BNIP2: variants seen among roughly 807,000 people sequenced by gnomAD.
The protein encoded by BNIP2 is BCL2/adenovirus E1B 19 kDa protein-interacting protein 2.
A neutral mutation model predicts 43.4 loss-of-function variants in BNIP2; 36 were observed. The observed-to-expected ratio is 0.83, with a 90% CI of 0.64 to 1.10. The LOEUF is 1.10. Ranked by LOEUF, BNIP2 falls within the 50% of genes least tolerant of loss-of-function variation. The pLI is 0.00. For synonymous variants in BNIP2, 146 were observed against 121.0 expected (o/e 1.21, Z -1.35); for missense variants, 417 against 374.1 (o/e 1.11, Z -0.95).
chr15:59,673,242 A>T (rs12907554), intron 5 of BNIP2, among the ~76,000 whole-genome samples: 49,754 of 150,886 alleles, frequency 0.33, 8,490 homozygotes, highest in East Asian at 0.54. Flanking sequence ...CCTCCCGAGT[A>T]GCTGGGATTA....
intron 5 of BNIP2, chr15:59,677,051 G>C: frequency 6.2e-7 from 1 of 1,611,652 alleles, no homozygotes; most frequent in Non-Finnish European, 8.5e-7. Context: ...TTGGCATTCA[G>C]ATGACTTCAT....
chr15:59,671,384 T>C, intron 6 of BNIP2, 70 bp from the exon 7 acceptor site: 3 of 1,362,572 alleles, frequency 2.2e-6, no homozygotes, highest in South Asian at 2.8e-5. Flanking sequence ...CTCTAAATTG[T>C]ACCATTATAC....
chr15:59,671,363 T>C (rs1279655143), intron 6 of BNIP2, 49 bp from the exon 7 acceptor site: 10 of 1,486,776 alleles, frequency 6.7e-6, no homozygotes, highest in Non-Finnish European at 9.1e-6. Flanking sequence ...TGTGCATAAC[T>C]GAACTAGGTT....
At chr15:59,677,361 G>C in intron 5 of BNIP2, 4 of 1,547,162 alleles carry the variant, frequency 2.6e-6, no homozygotes, top group Non-Finnish European at 3.5e-6. Flanking sequence ...TTCCATGGGA[G>C]ATGACTCTTA....
Position 59,689,225 on chromosome 15 carries a change from C to T in BNIP2, c.-148G>A, listed in dbSNP as rs1229230484. The T allele has an allele frequency of 1.9e-6, 3 of 1,541,098 alleles. No homozygotes were observed. The highest frequency in any genetic ancestry group is 2.6e-6 in the Non-Finnish European group (3 of 1,146,316). ...CCAGGTCGCAAAAAGCAGGGCCGAG[C>T]GGAGCCCGCTCCCCTCGGTCGGCGG... On this transcript the variant is annotated 5_prime_UTR_variant, in exon 1 of 10. Transcript: ENST00000607373.
rs1892755984 is a variant in BNIP2 at position 59,669,310 on chromosome 15, T to C, written c.760A>G (p.Arg254Gly). The C allele has an allele frequency of 3.2e-6, 5 of 1,556,428 alleles. No individual in the cohort carries two copies. The highest frequency in any genetic ancestry group is 1.4e-5 in the African/African-American group (1 of 71,898). The change falls in exon 8 of 10, where the codon AGA (arginine) becomes GGA (glycine). Residue 254 changes from arginine to glycine, a missense_variant. By Grantham distance (125) the Arg-to-Gly change is moderately radical. Transcript: ENST00000607373. Reference sequence around the variant, plus strand: ...GGTCTTGTAACAGCCAGAAGTGTTCTGATAAACCAAGAAGGATGTACAATG... The same window carrying C: ...GGTCTTGTAACAGCCAGAAGTGTTCCGATAAACCAAGAAGGATGTACAATG... ...LIIVHPSWFIRTLLAVTRPFI... is the reference protein window; with the variant it reads ...LIIVHPSWFIGTLLAVTRPFI...
At chr15:59,673,458 C>T (rs1186747002) in intron 5 of BNIP2, among the ~76,000 whole-genome samples, 1 of 151,766 alleles carries the variant, frequency 6.6e-6, no homozygotes, top group Non-Finnish European at 1.5e-5. Context: ...TAGCATCTTG[C>T]TCCATTGCCC....
At chr15:59,687,645 C>G (rs1894107449) in intron 1 of BNIP2, among the ~76,000 whole-genome samples, 1 of 152,092 alleles carries the variant, frequency 6.6e-6, no homozygotes, top group African/African-American at 2.4e-5. Flanking sequence ...AGTAACAAGA[C>G]ATCTTTCAAT....
Position 59,677,632 on chromosome 15 carries a change from C to T in BNIP2, c.472+279G>A, listed in dbSNP as rs113905410. 1.1e-3 allele frequency among the ~76,000 whole-genome samples: 168 copies of T among 152,274 alleles called. 2 individuals are homozygous for T. The highest frequency in any genetic ancestry group is 3.8e-3 in the African/African-American group (157 of 41,550). On this transcript the variant is annotated intron_variant, in intron 5 of 9. Coordinates refer to ENST00000607373, the MANE Select transcript of BNIP2 (RefSeq NM_004330.4). ...AAATTGCTAAGCATGTTCAGGTTTA[C>T]TTTGTTGATGTTTGTGAAGCAAAAC...
At chr15:59,670,642 G>C (rs1460405529) in intron 7 of BNIP2, among the ~76,000 whole-genome samples, 3 of 152,158 alleles carry the variant, frequency 2.0e-5, no homozygotes, top group Non-Finnish European at 4.4e-5. Flanking sequence ...TACTTTGTAA[G>C]TTTGAAGAAT....
At chr15:59,674,874 C>T (rs1394650403) in intron 5 of BNIP2, among the ~76,000 whole-genome samples, 3 of 152,168 alleles carry the variant, frequency 2.0e-5, no homozygotes, top group African/African-American at 4.8e-5. Context: ...AGGGCAGGGA[C>T]TTAAGCCTTG....
chr15:59,665,263 T>TA (rs71122805), intron 9 of BNIP2: 47,613 of 149,874 alleles, frequency 0.32, 8,463 homozygotes, highest in East Asian at 0.59. Context: ...GACTCCGTCT[T>TA]AAAAAAATAA....
In BNIP2 at chr15:59,659,968, T is replaced by A. The variant is rs1892166259; in HGVS notation, c.*4101A>T. ...TATCCTTTAGAACTTCAAAGGAAAGTTACATAACTGGGTCTCACCATTGAT... is the reference window on the plus strand; with the variant it reads ...TATCCTTTAGAACTTCAAAGGAAAGATACATAACTGGGTCTCACCATTGAT... On this transcript the variant is annotated 3_prime_UTR_variant, in exon 10 of 10. Transcript: ENST00000607373. 6.6e-6 allele frequency: 1 copy of A among 152,214 alleles called. No homozygotes were observed. Among genetic ancestry groups the A allele is most frequent in the Admixed American group, 6.5e-5 (1 of 15,276 alleles). 9.4% of individuals were successfully genotyped at this position (152,214 alleles called of 1,614,324 possible). A position where few individuals can be genotyped will look rare whatever the true frequency, so the allele number is the denominator to read the frequency against.
chr15:59,677,933 A>G lies in BNIP2; in HGVS notation c.450T>C (p.Tyr150=). 1 of 1,609,330 alleles carries G rather than the reference A, an allele frequency of 6.2e-7. No homozygotes were observed. The highest frequency in any genetic ancestry group is 8.5e-7 in the Non-Finnish European group (1 of 1,178,588). The change falls in exon 5 of 10, where the codon TAT becomes TAC. Residue 150 remains tyrosine, a synonymous_variant. Transcript: ENST00000607373. ...HRVDMKAIEP[Y]KKVISHGGYY... ...TACCCCCATGGCTGATAACTTTTTTATAGGGTTCAATTGCCTTCATATCAA... is the reference window on the plus strand; with the variant it reads ...TACCCCCATGGCTGATAACTTTTTTGTAGGGTTCAATTGCCTTCATATCAA...
intron 7 of BNIP2, 30 bp from the exon 8 acceptor site, chr15:59,669,392 C>A (rs200051385): frequency 3.8e-6 from 5 of 1,328,014 alleles, no homozygotes; most frequent in South Asian, 3.0e-5. Context: ...CACACACACA[C>A]AAAGAAAATT....
intron 5 of BNIP2, chr15:59,677,133 G>C (rs1893353737): frequency 6.2e-7 from 1 of 1,600,256 alleles, no homozygotes; most frequent in Admixed American, 1.7e-5. Flanking sequence ...CATCAATGAG[G>C]CTATTTACAT....
chr15:59,673,545 G>A (rs1192252398), intron 5 of BNIP2, among the ~76,000 whole-genome samples: 3 of 152,108 alleles, frequency 2.0e-5, no homozygotes, highest in South Asian at 4.1e-4. Context: ...CCACCTCATA[G>A]CCTCCAGAGG....
In BNIP2 at chr15:59,671,227, G is replaced by A. The variant is rs543285464; in HGVS notation, c.663C>T (p.Pro221=). The A allele has an allele frequency of 1.2e-6, 2 of 1,602,462 alleles. No individual in the cohort carries two copies. Among genetic ancestry groups the A allele is most frequent in the East Asian group, 2.2e-5 (1 of 44,702 alleles). The change falls in exon 7 of 10, where the codon CCC becomes CCT. Residue 221 remains proline (P), a synonymous_variant. Coordinates refer to ENST00000607373, the MANE Select transcript of BNIP2 (RefSeq NM_004330.4). ...AACATTTCCTGAGCCATCCCAGACT[G>A]GGCATTTTTCTTCGAGTTGTTGCAC... ...LNGATTRRKM[P]SLGWLRKCYQ... is the part of the protein sequence containing the mutation.
chr15:59,672,863 G>A (rs1893022311), intron 5 of BNIP2, 124 bp from the exon 6 acceptor site: 1 of 625,526 alleles, frequency 1.6e-6, no homozygotes, highest in South Asian at 2.5e-5. Flanking sequence ...TGTATTAAAT[G>A]TATGTTTTGT....
Sources: allele counts gnomAD v4.1 joint callset (sites outside exome capture counted in the v4.1 genomes callset), GRCh38; gene constraint gnomAD v4.1.1; transcripts MANE v1.5; gene names NCBI Gene and HGNC (gene_info 2026-07-23, HGNC 2026-07-21).